The following DNAH7 variants were observed in gnomAD, a reference collection of about 807,000 sequenced individuals.
DNAH7 encodes dynein axonemal heavy chain 7, also known as axonemal beta dynein heavy chain 7.
DNAH7 carries 397 observed loss-of-function variants against 444.6 expected under a neutral mutation model. That is an observed-to-expected ratio of 0.89 (90% confidence interval 0.82 to 0.97). DNAH7 has a LOEUF of 0.97. Among genes scored for constraint, DNAH7 ranks in the 50% least tolerant of loss-of-function variants. The pLI, the probability that DNAH7 is intolerant of heterozygous loss-of-function variation, is 0.00. For missense variants in DNAH7, 4,902 were observed against 4,800.8 expected, an observed-to-expected ratio of 1.02 and a Z score of -0.62; for synonymous variants, 1,636 against 1,624.4, an observed-to-expected ratio of 1.01 and a Z score of -0.17.
At chr2:195,988,251 A>G in intron 12 of DNAH7, 22 bp from the exon 13 acceptor site, 1 of 1,551,114 alleles carries the variant, frequency 6.4e-7, no homozygotes, top group South Asian at 1.2e-5. Flanking sequence ...GGTAAAAATA[A>G]TAGTATTTAA....
chr2:195,899,696 AT>A (rs1399462669), intron 28 of DNAH7, among the ~76,000 whole-genome samples: 2 of 152,164 alleles, frequency 1.3e-5, no homozygotes, highest in East Asian at 3.8e-4. Flanking sequence ...CACATTTTGC[AT>A]TTTTCTATTA....
chr2:195,753,493 T>C (rs1443944129), intron 63 of DNAH7, among the ~76,000 whole-genome samples: 2 of 152,218 alleles, frequency 1.3e-5, no homozygotes, highest in Non-Finnish European at 2.9e-5. Context: ...GACAAGATCC[T>C]AAATTGTTCC....
intron 24 of DNAH7, among the ~76,000 whole-genome samples, 166 bp from the exon 25 acceptor site, chr2:195,910,361 G>A (rs1165090918): frequency 1.3e-5 from 2 of 151,930 alleles, no homozygotes; most frequent in East Asian, 3.9e-4. Context: ...TCATTACTTT[G>A]TCTGTTATTA....
chr2:195,943,338 AGTCAACT>A (rs1689592247), intron 19 of DNAH7, among the ~76,000 whole-genome samples: 1 of 152,162 alleles, frequency 6.6e-6, no homozygotes, highest in Admixed American at 6.6e-5. Context: ...TACCGATGTC[AGTCAACT>A]GTCTTATTTC....
chr2:195,897,830 G>A (rs888030035), intron 28 of DNAH7, 65 bp from the exon 29 acceptor site: 1 of 875,376 alleles, frequency 1.1e-6, no homozygotes, highest in Non-Finnish European at 1.8e-6. Flanking sequence ...CCCGCTTCGT[G>A]TTCGCATACA....
rs1163481963 is a variant in DNAH7 at position 195,873,647 on chromosome 2, T to C, written c.6334A>G (p.Ile2112Val). 2.0e-6 allele frequency: 3 copies of C among 1,534,186 alleles called. No homozygotes were observed. Among genetic ancestry groups the C allele is most frequent in the Non-Finnish European group, 2.6e-6 (3 of 1,146,338 alleles). The stretch of plus-strand genomic sequence containing the variant: ...TCACTAAACTCATTGATTGTTATAA[T>C]ATTGAAATGTCGCATGTATCGAGGA... Reference protein sequence around the residue: ...VTPRYMRHFNIITINEFSDKS... With the variant: ...VTPRYMRHFNVITINEFSDKS... The change falls in exon 39 of 65, where the codon ATT becomes GTT. Residue 2112 changes from isoleucine to valine, a missense_variant. Coordinates refer to ENST00000312428, the MANE Select transcript of DNAH7 (RefSeq NM_018897.3).
chr2:195,957,350 G>C lies in DNAH7; in HGVS notation c.2989C>G (p.Pro997Ala). 6.2e-7 allele frequency: 1 copy of C among 1,608,070 alleles called. No homozygotes were observed. Among genetic ancestry groups the C allele is most frequent in the Non-Finnish European group, 8.5e-7 (1 of 1,176,002 alleles). ...WLYLEPIFSS[P>A]DIMSQMPEEG... ...TCAGGCATTTGAGACATAATGTCTG[G>C]AGAGCTGAAAATGGGCTCCAGATAC... is the stretch of plus-strand genomic sequence containing the variant. The change falls in exon 19 of 65, where the codon CCA becomes GCA. Residue 997 changes from proline (P) to alanine (A), a missense_variant. By Grantham distance (27) the Pro-to-Ala change is conservative (BLOSUM62 -1). Coordinates refer to ENST00000312428, the MANE Select transcript of DNAH7 (RefSeq NM_018897.3).
chr2:195,746,543 A>AT (rs1237250695), intron 63 of DNAH7, among the ~76,000 whole-genome samples: 5 of 152,134 alleles, frequency 3.3e-5, no homozygotes, highest in African/African-American at 9.7e-5. Flanking sequence ...CAGAATATAC[A>AT]TTTTTTTCAG....
intron 33 of DNAH7, 152 bp downstream of exon 33, chr2:195,888,106 G>T: frequency 3.1e-6 from 2 of 642,282 alleles, no homozygotes; most frequent in Non-Finnish European, 5.0e-6. Flanking sequence ...TTAGTGAACT[G>T]CATGAATTCT....
chr2:195,850,318 T>C (rs1231645906), intron 46 of DNAH7, among the ~76,000 whole-genome samples: 1 of 149,952 alleles, frequency 6.7e-6, no homozygotes, highest in Non-Finnish European at 1.5e-5. Flanking sequence ...AGAGAGATGG[T>C]AGAAGTGGAA....
At chr2:195,812,844 T>C (rs1049388820) in intron 51 of DNAH7, among the ~76,000 whole-genome samples, 2 of 152,214 alleles carry the variant, frequency 1.3e-5, no homozygotes, top group Admixed American at 1.3e-4. Flanking sequence ...TGACTATCAA[T>C]GATTGGCAGA....
rs1371149643 is a variant in DNAH7, at chr2:195,936,615, T to C, written c.3256A>G (p.Thr1086Ala). ...NDELLEILSE[T>A]KDPTRVQPHL... ...ATTACTTACCTAGTGGGATCTTTAG[T>C]CTCAGATAGTATCTCAAGAAGTTCA... is the stretch of plus-strand genomic sequence containing the variant. Residue 1086 changes from threonine (T) to alanine (A), a missense_variant, in exon 20 of 65, where the codon ACT becomes GCT. Thr to Ala is a moderately conservative substitution (Grantham distance 58). Transcript: ENST00000312428. 6 of 1,593,852 alleles carry C rather than the reference T, an allele frequency of 3.8e-6. No homozygotes were observed. The highest frequency in any genetic ancestry group is 5.1e-6 in the Non-Finnish European group (6 of 1,174,396).
rs1699785237 is a variant in DNAH7 at position 195,857,597 on chromosome 2, T to A, written c.8194A>T (p.Ile2732Phe). The change falls in exon 44 of 65, where the codon ATT becomes TTT. Residue 2732 changes from isoleucine (I) to phenylalanine (F), a missense_variant. Physicochemically the swap from Ile to Phe is conservative, Grantham distance 21. Coordinates refer to ENST00000312428, the MANE Select transcript of DNAH7 (RefSeq NM_018897.3). ...TTAGCTGGGCCCCAGAAATCCTCAA[T>A]TTTTTTCCCTGAACCTGTTGGGTCA... ...IPDPTGSGKKIEDFWGPAKRL... is the reference protein window; with the variant it reads ...IPDPTGSGKKFEDFWGPAKRL... 8 of 1,613,830 alleles carry A rather than the reference T, an allele frequency of 5.0e-6. No homozygotes were observed. The highest frequency in any genetic ancestry group is 5.9e-6 in the Non-Finnish European group (7 of 1,179,940).
intron 2 of DNAH7, among the ~76,000 whole-genome samples, chr2:196,055,537 A>G (rs898808190): frequency 5.3e-5 from 8 of 152,220 alleles, no homozygotes; most frequent in African/African-American, 1.9e-4. Context: ...GGTTTCTACA[A>G]TTCCCACTGG....
intron 21 of DNAH7, among the ~76,000 whole-genome samples, chr2:195,932,841 T>C (rs1197904656): frequency 6.6e-6 from 1 of 152,172 alleles, no homozygotes; most frequent in African/African-American, 2.4e-5. Flanking sequence ...TTGAGGATTT[T>C]TGCATCGATG....
In DNAH7 at chr2:196,060,473, T is replaced by C. The variant is rs576375302; in HGVS notation, c.16-2357A>G. On this transcript the variant is annotated intron_variant, in intron 1 of 64. Coordinates refer to ENST00000312428, the MANE Select transcript of DNAH7 (RefSeq NM_018897.3). The stretch of plus-strand genomic sequence containing the variant: ...CCCTTATAGAGGCCAAGGTGGTATT[T>C]ACTTTTATTTCTATCACTTGGCCTT... Among the ~76,000 whole-genome samples, 8 of 152,342 alleles carry C rather than the reference T, an allele frequency of 5.3e-5. 1 individual carries two copies. The South Asian group carries it at 1.7e-3, about 32-fold the overall frequency.
At chr2:195,960,219 G>C (rs1251923950) in intron 18 of DNAH7, 41 bp downstream of exon 18, 4 of 1,472,264 alleles carry the variant, frequency 2.7e-6, no homozygotes, top group Non-Finnish European at 3.7e-6. Flanking sequence ...AAGTGATTTT[G>C]GTAACATAGC....
At chr2:195,942,388 G>A (rs376127628) in intron 19 of DNAH7, among the ~76,000 whole-genome samples, 30 of 150,300 alleles carry the variant, frequency 2.0e-4, no homozygotes, top group African/African-American at 7.1e-4. Flanking sequence ...AAGGAGAAGA[G>A]GAAGAAGGAA....
chr2:195,920,531 A>C (rs1295287564), intron 24 of DNAH7, among the ~76,000 whole-genome samples: 1 of 152,198 alleles, frequency 6.6e-6, no homozygotes, highest in East Asian at 1.9e-4. Flanking sequence ...GAAGAATGAA[A>C]CTGGATCCTC....
Sources: allele counts gnomAD v4.1 joint callset (sites outside exome capture counted in the v4.1 genomes callset), GRCh38; gene constraint gnomAD v4.1.1; transcripts MANE v1.5; gene names NCBI Gene and HGNC (gene_info 2026-07-23, HGNC 2026-07-21).